The following PPP3CA variants were observed in gnomAD, a reference collection of about 807,000 sequenced individuals.
PPP3CA encodes CAM-PRP catalytic subunit.
Under a neutral mutation model 66.5 loss-of-function variants are expected in PPP3CA, and 14 were observed. The ratio of observed to expected loss-of-function variants is 0.21; its 90% CI spans 0.14 to 0.33. The LOEUF is 0.33. Ranked by LOEUF, PPP3CA falls within the 10% of genes least tolerant of loss-of-function variation. The pLI is 1.00. For synonymous variants in PPP3CA, 232 were observed against 226.2 expected (o/e 1.03, Z -0.23); for missense variants, 317 against 639.5 (o/e 0.50, Z 5.44).
At chr4:101,294,988 T>G (rs981355093) in intron 1 of PPP3CA, among the ~76,000 whole-genome samples, 1 of 152,178 alleles carries the variant, frequency 6.6e-6, no homozygotes, top group Non-Finnish European at 1.5e-5. Flanking sequence ...AAAGGGCTAC[T>G]GGTATACTTG....
chr4:101,141,430 C>G (rs905940858), intron 2 of PPP3CA, among the ~76,000 whole-genome samples: 4 of 152,120 alleles, frequency 2.6e-5, no homozygotes, highest in Admixed American at 6.6e-5. Flanking sequence ...GCCCCCACTC[C>G]TTCTCTAACC....
chr4:101,185,001 T>C (rs1004047125), intron 2 of PPP3CA, among the ~76,000 whole-genome samples: 17 of 152,110 alleles, frequency 1.1e-4, no homozygotes, highest in Non-Finnish European at 1.6e-4. Context: ...TATGCCTTAG[T>C]TAAGCCAAAA....
intron 1 of PPP3CA, among the ~76,000 whole-genome samples, chr4:101,321,751 C>T (rs891191422): frequency 6.6e-6 from 1 of 151,896 alleles, no homozygotes; most frequent in Admixed American, 6.6e-5. Context: ...CACAAAGGTT[C>T]AAAACTAAGA....
At chr4:101,346,069 C>A (rs898989174) in intron 1 of PPP3CA, among the ~76,000 whole-genome samples, 1 of 152,046 alleles carries the variant, frequency 6.6e-6, no homozygotes, top group Non-Finnish European at 1.5e-5. Flanking sequence ...CCTCCCGCGC[C>A]CCCCGCGGCC....
At chr4:101,042,494 C>T (rs773753856) in intron 10 of PPP3CA, among the ~76,000 whole-genome samples, 12 of 152,138 alleles carry the variant, frequency 7.9e-5, no homozygotes, top group Non-Finnish European at 1.3e-4. Flanking sequence ...GAATAAGTGT[C>T]TATCCATGTG....
At chr4:101,209,864 T>C (rs1386017520) in intron 1 of PPP3CA, among the ~76,000 whole-genome samples, 1 of 152,110 alleles carries the variant, frequency 6.6e-6, no homozygotes, top group African/African-American at 2.4e-5. Context: ...GAAAGTGAAA[T>C]ATTTTTAAAT....
At chr4:101,137,346 T>C (rs1376871817) in intron 2 of PPP3CA, among the ~76,000 whole-genome samples, 1 of 152,056 alleles carries the variant, frequency 6.6e-6, no homozygotes, top group Non-Finnish European at 1.5e-5. Context: ...GACTGAGTCA[T>C]GCCCTGAAAT....
intron 8 of PPP3CA, among the ~76,000 whole-genome samples, chr4:101,074,677 C>T (rs1403633974): frequency 3.3e-5 from 5 of 152,120 alleles, no homozygotes; most frequent in Non-Finnish European, 7.4e-5. Context: ...ATGGTATCTT[C>T]TTGAAGCCTA....
intron 2 of PPP3CA, among the ~76,000 whole-genome samples, chr4:101,169,760 T>C (rs1343785771): frequency 2.0e-5 from 3 of 152,008 alleles, no homozygotes; most frequent in South Asian, 4.1e-4. Context: ...CTGCTGACTC[T>C]TATGTGATGA....
rs150946115 is a variant in PPP3CA, at chr4:101,246,848, G to A, written c.59-50732C>T. On this transcript the variant is annotated intron_variant, in intron 1 of 13. Transcript: ENST00000394854. ...AAAGAGTAGTGCTAATGAGGCAAAGGTGAAAAAAACTCATTCTGAGCCAAT... is the reference window on the plus strand; with the variant it reads ...AAAGAGTAGTGCTAATGAGGCAAAGATGAAAAAAACTCATTCTGAGCCAAT... Among the ~76,000 whole-genome samples, 494 of 152,094 alleles carry A rather than the reference G, an allele frequency of 3.2e-3. 4 individuals are homozygous for A. Among genetic ancestry groups the A allele is most frequent in the Middle Eastern group, 0.02 (6 of 294 alleles).
intron 10 of PPP3CA, among the ~76,000 whole-genome samples, chr4:101,042,645 A>G (rs60414967): frequency 0.014 from 2,134 of 152,104 alleles, 54 homozygotes; most frequent in African/African-American, 0.049. Flanking sequence ...CAGGATCCCT[A>G]CCTCTAATCG....
Position 101,255,615 on chromosome 4 carries a change from A to G in PPP3CA, c.59-59499T>C, listed in dbSNP as rs3804415. ...TTAATAAAAACAATTCTAACATCTT[A>G]TTGTCAACCAAAAGTAAGTAAATTC... On this transcript the variant is annotated intron_variant, in intron 1 of 13. Transcript: ENST00000394854. Among the ~76,000 whole-genome samples the G allele has an allele frequency of 7.9e-3, 1,200 of 152,036 alleles. 46 individuals are homozygous for G. In the South Asian group the frequency reaches 0.091, roughly 12 times the overall value.
At chr4:101,197,293 T>C (rs965208302) in intron 1 of PPP3CA, among the ~76,000 whole-genome samples, 1 of 152,234 alleles carries the variant, frequency 6.6e-6, no homozygotes, top group African/African-American at 2.4e-5. Context: ...TCTAATGGCA[T>C]AGATTTGTAA....
At chr4:101,038,494 T>C (rs1385232285) in intron 11 of PPP3CA, among the ~76,000 whole-genome samples, 1 of 151,784 alleles carries the variant, frequency 6.6e-6, no homozygotes, top group Admixed American at 6.6e-5. Context: ...CTCAGCCTCC[T>C]GAGTAGCTGG....
At chr4:101,231,652 C>T (rs1483611950) in intron 1 of PPP3CA, among the ~76,000 whole-genome samples, 1 of 151,676 alleles carries the variant, frequency 6.6e-6, no homozygotes, top group African/African-American at 2.4e-5. Context: ...TTTACAAATG[C>T]ATTATAACAC....
intron 1 of PPP3CA, among the ~76,000 whole-genome samples, chr4:101,303,442 C>T (rs186592543): frequency 4.6e-5 from 7 of 151,944 alleles, no homozygotes; most frequent in Admixed American, 1.3e-4. Flanking sequence ...TTATATGTAC[C>T]TACATATCTA....
Position 101,321,735 on chromosome 4 carries a change from C to T in PPP3CA, c.58+25004G>A, listed in dbSNP as rs191827106. On this transcript the variant is annotated intron_variant, in intron 1 of 13. Transcript: ENST00000394854. ...GAAAAAGGCAAAGAGCTTGGTACTACGGCTGCACAAAGGTTCAAAACTAAG... is the reference window on the plus strand; with the variant it reads ...GAAAAAGGCAAAGAGCTTGGTACTATGGCTGCACAAAGGTTCAAAACTAAG... 1.2e-4 allele frequency among the ~76,000 whole-genome samples: 18 copies of T among 152,182 alleles called. No homozygotes were observed. In the East Asian group the frequency reaches 3.3e-3, roughly 28 times the overall value.
chr4:101,182,530 G>A (rs748539643), intron 2 of PPP3CA, among the ~76,000 whole-genome samples: 51 of 152,036 alleles, frequency 3.4e-4, no homozygotes, highest in African/African-American at 1.2e-3. Flanking sequence ...CAAATTACTC[G>A]GATGTATCTC....
intron 1 of PPP3CA, among the ~76,000 whole-genome samples, chr4:101,334,491 T>C (rs747720185): frequency 7.2e-5 from 11 of 152,094 alleles, no homozygotes; most frequent in Non-Finnish European, 1.5e-4. Flanking sequence ...GCATGAAAGT[T>C]AACTCTCAAA....
Sources: gnomAD v4.1 joint callset for allele counts (sites outside exome capture counted in the v4.1 genomes callset) on GRCh38, gnomAD v4.1.1 for gene constraint, MANE v1.5 for transcripts, NCBI Gene and HGNC (gene_info 2026-07-23, HGNC 2026-07-21) for gene names.